Variants in ITFG1 observed in about 807,000 individuals in gnomAD.
ITFG1 encodes T-cell immunomodulatory protein.
A neutral mutation model predicts 81.8 loss-of-function variants in ITFG1; 34 were observed. That is an observed-to-expected ratio of 0.42 (90% CI 0.32 to 0.55). The LOEUF is 0.55. Ranked by LOEUF, ITFG1 falls within the 20% of genes least tolerant of loss-of-function variation. The pLI, the probability that ITFG1 is intolerant of heterozygous loss-of-function variation, is 0.17. For missense variants in ITFG1, 672 were observed against 755.4 expected, an observed-to-expected ratio of 0.89 and a Z score of 1.29; for synonymous variants, 285 against 270.6, an observed-to-expected ratio of 1.05 and a Z score of -0.52.
At chr16:47,358,822 T>C (rs529722365) in intron 8 of ITFG1, among the ~76,000 whole-genome samples, 14 of 152,350 alleles carry the variant, frequency 9.2e-5, no homozygotes, top group Admixed American at 2.6e-4. Context: ...GGCACTGCTA[T>C]AGGCTTGAGA....
chr16:47,388,233 T>C (rs1037150349), intron 6 of ITFG1, among the ~76,000 whole-genome samples: 6 of 151,968 alleles, frequency 3.9e-5, no homozygotes, highest in African/African-American at 9.7e-5. Flanking sequence ...ATATACGTAA[T>C]GGAAGTTCTC....
intron 6 of ITFG1, among the ~76,000 whole-genome samples, chr16:47,377,616 G>A (rs886443197): frequency 1.3e-5 from 2 of 152,100 alleles, no homozygotes; most frequent in Admixed American, 6.5e-5. Context: ...CAGCCACCTG[G>A]TGAATGGATT....
chr16:47,222,570 G>C (rs1965706745), intron 13 of ITFG1, among the ~76,000 whole-genome samples: 2 of 151,896 alleles, frequency 1.3e-5, no homozygotes. Flanking sequence ...CCCGCCACCA[G>C]GCCCGGCTAA....
At chr16:47,404,032 A>G (rs908824296) in intron 6 of ITFG1, among the ~76,000 whole-genome samples, 2 of 152,162 alleles carry the variant, frequency 1.3e-5, no homozygotes, top group Admixed American at 6.5e-5. Flanking sequence ...TAATAATAGA[A>G]ATAAAGTGCA....
At chr16:47,400,655 G>A (rs1567487164) in intron 6 of ITFG1, among the ~76,000 whole-genome samples, 1 of 152,156 alleles carries the variant, frequency 6.6e-6, no homozygotes, top group Non-Finnish European at 1.5e-5. Context: ...AGAAAAAAGA[G>A]GTGTCAGTTG....
chr16:47,188,375 A>G (rs528507594), intron 14 of ITFG1, among the ~76,000 whole-genome samples: 7 of 151,894 alleles, frequency 4.6e-5, no homozygotes, highest in Non-Finnish European at 7.4e-5. Context: ...AATGTCCAAC[A>G]ATGATAGACT....
intron 10 of ITFG1, among the ~76,000 whole-genome samples, chr16:47,275,806 G>A (rs1357792519): frequency 6.6e-6 from 1 of 152,048 alleles, no homozygotes; most frequent in Non-Finnish European, 1.5e-5. Context: ...ATATCAAAAT[G>A]CAAACAGTGA....
intron 13 of ITFG1, among the ~76,000 whole-genome samples, chr16:47,230,818 G>A (rs558154317): frequency 6.6e-6 from 1 of 152,260 alleles, no homozygotes; most frequent in South Asian, 2.1e-4. Flanking sequence ...GCGCGATCTC[G>A]GCTCACTGTA....
intron 14 of ITFG1, among the ~76,000 whole-genome samples, chr16:47,211,113 T>C (rs373178471): frequency 3.3e-5 from 5 of 152,226 alleles, no homozygotes; most frequent in African/African-American, 9.6e-5. Flanking sequence ...AGGCAATTTA[T>C]GGAAAACTGA....
At chr16:47,206,369 T>C (rs1396724133) in intron 14 of ITFG1, among the ~76,000 whole-genome samples, 2 of 152,194 alleles carry the variant, frequency 1.3e-5, no homozygotes, top group South Asian at 2.1e-4. Flanking sequence ...TTTATTCTTA[T>C]TGAGATATAA....
At chr16:47,336,044 T>G (rs1347693858) in intron 8 of ITFG1, among the ~76,000 whole-genome samples, 1 of 152,108 alleles carries the variant, frequency 6.6e-6, no homozygotes, top group Non-Finnish European at 1.5e-5. Flanking sequence ...AAGGAACAAA[T>G]TACGAATACA....
At chr16:47,202,641 A>G (rs1965440903) in intron 14 of ITFG1, among the ~76,000 whole-genome samples, 1 of 152,170 alleles carries the variant, frequency 6.6e-6, no homozygotes, top group South Asian at 2.1e-4. Flanking sequence ...TATTGCTTCA[A>G]GCAGAAATCT....
chr16:47,277,374 A>T (rs1392649652), intron 10 of ITFG1, among the ~76,000 whole-genome samples: 1 of 152,208 alleles, frequency 6.6e-6, no homozygotes, highest in Non-Finnish European at 1.5e-5. Context: ...ACTGAAGTCC[A>T]TAGTCAGCCC....
chr16:47,460,649 G>A (rs1378937716), intron 1 of ITFG1, among the ~76,000 whole-genome samples, 189 bp downstream of exon 1: 2 of 152,154 alleles, frequency 1.3e-5, no homozygotes, highest in African/African-American at 4.8e-5. Context: ...TAGGGTAGCT[G>A]GGTCAGAACC....
intron 10 of ITFG1, among the ~76,000 whole-genome samples, chr16:47,292,653 C>A (rs554864537): frequency 7.2e-5 from 11 of 152,214 alleles, no homozygotes; most frequent in African/African-American, 2.2e-4. Flanking sequence ...TATCCCTCAA[C>A]CCCCCTCACC....
chr16:47,340,158 G>A (rs968573633), intron 8 of ITFG1, among the ~76,000 whole-genome samples: 12 of 152,104 alleles, frequency 7.9e-5, no homozygotes, highest in Non-Finnish European at 1.5e-4. Flanking sequence ...AGATAAAGGC[G>A]GAGGGAATTT....
intron 14 of ITFG1, among the ~76,000 whole-genome samples, chr16:47,216,593 TC>T (rs1175508364): frequency 6.6e-6 from 1 of 152,198 alleles, no homozygotes; most frequent in African/African-American, 2.4e-5. Context: ...ATTGTATTCC[TC>T]AAGATAAATG....
At chr16:47,388,669 T>C (rs1300096432) in intron 6 of ITFG1, among the ~76,000 whole-genome samples, 1 of 152,152 alleles carries the variant, frequency 6.6e-6, no homozygotes, top group African/African-American at 2.4e-5. Context: ...CGGAGATAAT[T>C]CACTGCTAGC....
rs766032953 is a variant in ITFG1 at position 47,260,610 on chromosome 16, C to T, written c.1156G>A (p.Glu386Lys). The T allele has an allele frequency of 2.5e-6, 4 of 1,614,106 alleles. No individual in the cohort carries two copies. The highest frequency in any genetic ancestry group is 3.4e-6 in the Non-Finnish European group (4 of 1,179,996). ...TTAATTTGATTTAGGTCTGTCAGCT[C>T]CCAGTAGACTTTAAACATTCGACGC... Reference protein sequence around the residue: ...EARRMFKVYWELTDLNQIKDA... With the variant: ...EARRMFKVYWKLTDLNQIKDA... The change falls in exon 11 of 18, where the codon GAG becomes AAG. Residue 386 changes from glutamate (E) to lysine (K), a missense_variant. By Grantham distance (56) the Glu-to-Lys change is moderately conservative. Around this residue, in one of 3 missense-constraint regions of ITFG1, gnomAD observed 560 missense variants for 625.7 expected, o/e 0.90. Transcript: ENST00000320640.
Sources: allele counts gnomAD v4.1 joint callset (sites outside exome capture counted in the v4.1 genomes callset), GRCh38; gene constraint gnomAD v4.1.1; regional missense constraint gnomAD v4.1.1; transcripts MANE v1.5; gene names NCBI Gene and HGNC (gene_info 2026-07-23, HGNC 2026-07-21).